The following ARFGEF1 variants were observed in gnomAD, a reference collection of about 807,000 sequenced individuals.
The protein encoded by ARFGEF1 is brefeldin A-inhibited guanine nucleotide-exchange protein 1.
Under a neutral mutation model 231.0 loss-of-function variants are expected in ARFGEF1, and 42 were observed. That is an observed-to-expected ratio of 0.18 (90% confidence interval 0.14 to 0.24). The LOEUF is 0.24. Among genes scored for constraint, ARFGEF1 ranks in the 10% least tolerant of loss-of-function variants. The pLI, the probability that ARFGEF1 is intolerant of heterozygous loss-of-function variation, is 1.00. For synonymous variants in ARFGEF1, 710 were observed against 732.3 expected (o/e 0.97, Z 0.49); for missense variants, 1,345 against 2,192.0 (o/e 0.61, Z 7.72).
chr8:67,260,716 A>G (rs1804583750), intron 14 of ARFGEF1, among the ~76,000 whole-genome samples: 1 of 152,124 alleles, frequency 6.6e-6, no homozygotes, highest in Non-Finnish European at 1.5e-5. Context: ...CACATCTCTC[A>G]CTTTAAATAA....
At chr8:67,243,329 T>C (rs545761117) in intron 19 of ARFGEF1, among the ~76,000 whole-genome samples, 15 of 152,330 alleles carry the variant, frequency 9.8e-5, no homozygotes, top group Admixed American at 1.3e-4. Context: ...CTCAGTTCCA[T>C]GTGGCTGAGA....
At chr8:67,313,957 C>A (rs1293365175) in intron 1 of ARFGEF1, among the ~76,000 whole-genome samples, 1 of 152,050 alleles carries the variant, frequency 6.6e-6, no homozygotes, top group African/African-American at 2.4e-5. Context: ...CTGTGGGGGA[C>A]AGGAGTGAGA....
At chr8:67,288,163 A>G (rs1805839427) in intron 6 of ARFGEF1, 98 bp from the exon 7 acceptor site, 2 of 631,386 alleles carry the variant, frequency 3.2e-6, no homozygotes, top group Non-Finnish European at 5.1e-6. Context: ...CATGAGGAAT[A>G]AAAGAAAAAA....
chr8:67,192,033 G>GGAGATATGTCTATTCAAATCCTTTGCT (rs1280411210), intron 5 of ARFGEF1, among the ~76,000 whole-genome samples: 1 of 151,190 alleles, frequency 6.6e-6, no homozygotes, highest in East Asian at 1.9e-4. Context: ...TATTTTCTTA[G>GGAGATATGTCTATTCAAATCCTTTGCT]GAGATATGTC....
intron 34 of ARFGEF1, among the ~76,000 whole-genome samples, chr8:67,207,613 A>G (rs993850723): frequency 2.6e-5 from 4 of 152,224 alleles, no homozygotes; most frequent in Admixed American, 1.3e-4. Flanking sequence ...GCAGATTTTA[A>G]CTATGTGGGA....
intron 9 of ARFGEF1, among the ~76,000 whole-genome samples, chr8:67,274,179 G>C (rs1660086863): frequency 6.6e-6 from 1 of 152,034 alleles, no homozygotes; most frequent in Non-Finnish European, 1.5e-5. Context: ...TTTCAGGTCT[G>C]CAGTTTTTCA....
intron 21 of ARFGEF1, 73 bp from the exon 22 acceptor site, chr8:67,238,566 G>A: frequency 6.8e-7 from 1 of 1,472,778 alleles, no homozygotes; most frequent in African/African-American, 1.4e-5. Flanking sequence ...AATATATGCA[G>A]CCAGGACTTA....
intron 1 of ARFGEF1, among the ~76,000 whole-genome samples, chr8:67,330,067 TAA>T (rs1808028985): frequency 6.6e-6 from 1 of 152,014 alleles, no homozygotes; most frequent in Admixed American, 6.5e-5. Flanking sequence ...AAATCTTTCT[TAA>T]AGATATTTTT....
chr8:67,284,440 G>C (rs1305140891), intron 7 of ARFGEF1, among the ~76,000 whole-genome samples: 1 of 151,910 alleles, frequency 6.6e-6, no homozygotes, highest in Non-Finnish European at 1.5e-5. Flanking sequence ...TTTTGACTTT[G>C]AATCATGTAA....
rs1413157438 is a variant in ARFGEF1 at position 67,296,431 on chromosome 8, T to C, written c.639A>G (p.Ala213=). 6.2e-7 allele frequency: 1 copy of C among 1,613,790 alleles called. No individual in the cohort carries two copies. The highest frequency in any genetic ancestry group is 2.2e-5 in the East Asian group (1 of 44,826). The change falls in exon 5 of 39, where the codon GCA becomes GCG. Residue 213 remains alanine (A), a splice_region_variant and synonymous_variant. Transcript: ENST00000262215. ...NVIFARMENQ[A]LQEAKQMEKE... ...ACCTCTCTCTTCTTAAAATACTTACTGCTTGGTTTTCCATGCGTGCAAAGA... is the reference window on the plus strand; with the variant it reads ...ACCTCTCTCTTCTTAAAATACTTACCGCTTGGTTTTCCATGCGTGCAAAGA...
At position 67,271,903 on chromosome 8, in the gene ARFGEF1, C is replaced by T; in HGVS notation, c.1371G>A (p.Leu457=). The T allele has an allele frequency of 6.2e-7, 1 of 1,611,196 alleles. No homozygotes were observed. Among genetic ancestry groups the T allele is most frequent in the Admixed American group, 1.7e-5 (1 of 59,616 alleles). Residue 457 remains leucine, a synonymous_variant, in exon 10 of 39, where the codon TTG becomes TTA. Coordinates refer to ENST00000262215, the MANE Select transcript of ARFGEF1 (RefSeq NM_006421.5). ...SHELRSKILS[L]QLLLSILQNA... ...TCTGCAGAATGGATAGAAGTAACTG[C>T]AATGAAAGAATCTTGGATCGTAGTT...
In ARFGEF1 at chr8:67,277,072, G is replaced by A. The variant is rs184326776; in HGVS notation, c.1203+210C>T. Among the ~76,000 whole-genome samples, 3 of 152,094 alleles carry A rather than the reference G, an allele frequency of 2.0e-5. No homozygotes were observed. In the East Asian group the frequency reaches 5.8e-4, roughly 29 times the overall value. Reference sequence around the variant, plus strand: ...AAACATAGATGAGACCTACCTTAAAGTTGGAAATGTAACTATCAAAATATG... The same window carrying A: ...AAACATAGATGAGACCTACCTTAAAATTGGAAATGTAACTATCAAAATATG... On this transcript the variant is annotated intron_variant, in intron 8 of 38. Transcript: ENST00000262215.
chr8:67,240,272 G>A lies in ARFGEF1; in HGVS notation c.2869C>T (p.Leu957=). 3 of 1,603,008 alleles carry A rather than the reference G, an allele frequency of 1.9e-6. No individual in the cohort carries two copies. The highest frequency in any genetic ancestry group is 1.3e-5 in the African/African-American group (1 of 74,588). Residue 957 remains leucine (L), a synonymous_variant, in exon 20 of 39, where the codon CTG becomes TTG. Coordinates refer to ENST00000262215, the MANE Select transcript of ARFGEF1 (RefSeq NM_006421.5). The part of the protein sequence containing the change: ...PMFKLAWTPF[L]AAFSVGLQDC... ...TGTAGACCCACACTGAATGCAGCCA[G>A]AAAAGGCGTCCAAGCCAACTACAAA... is the stretch of plus-strand genomic sequence containing the variant.
rs1040773323 is a variant in ARFGEF1, at chr8:67,238,511, A to C, written c.3139-18T>G. 5.1e-6 allele frequency: 8 copies of C among 1,580,458 alleles called. No individual in the cohort carries two copies. The highest frequency in any genetic ancestry group is 6.8e-6 in the Non-Finnish European group (8 of 1,169,576). On this transcript the variant is annotated intron_variant, in intron 21 of 38. Coordinates refer to ENST00000262215, the MANE Select transcript of ARFGEF1 (RefSeq NM_006421.5). ...TTCAGAATCTTAATTACAAAAAGGA[A>C]AAAAATGTTAAATTCCATGTTAAAA...
chr8:67,228,844 T>A (rs1839466447), intron 23 of ARFGEF1, among the ~76,000 whole-genome samples: 1 of 152,090 alleles, frequency 6.6e-6, no homozygotes, highest in Non-Finnish European at 1.5e-5. Context: ...TTTGCTGAGC[T>A]CTTTTTTTGT....
intron 4 of ARFGEF1, among the ~76,000 whole-genome samples, chr8:67,297,747 C>T (rs1013565597): frequency 1.5e-4 from 22 of 151,568 alleles, no homozygotes; most frequent in African/African-American, 5.3e-4. Flanking sequence ...TGGGCATTAT[C>T]TTAAACCATA....
In ARFGEF1 at chr8:67,270,005, G is replaced by A. The variant is rs144539519; in HGVS notation, c.1572+1697C>T. On this transcript the variant is annotated intron_variant, in intron 10 of 38. Transcript: ENST00000262215. ...TCAGTGTCCAAAAAAATCTGTAATT[G>A]GTTACATAAAGTATTACAAAATTTT... Among the ~76,000 whole-genome samples the A allele has an allele frequency of 5.9e-3, 896 of 152,132 alleles. 9 individuals carry two copies. Among genetic ancestry groups the A allele is most frequent in the African/African-American group, 0.02 (837 of 41,532 alleles).
intron 19 of ARFGEF1, 119 bp from the exon 20 acceptor site, chr8:67,240,409 GA>G: frequency 9.9e-7 from 1 of 1,010,260 alleles, no homozygotes; most frequent in Non-Finnish European, 1.4e-6. Context: ...CAGTTATCTA[GA>G]AAGCTTTCTT....
chr8:67,188,906 C>T (rs979976449), intron 5 of ARFGEF1, among the ~76,000 whole-genome samples: 2 of 152,172 alleles, frequency 1.3e-5, no homozygotes, highest in Admixed American at 6.5e-5. Flanking sequence ...TAACATTCAC[C>T]GCATGGCCCA....
Sources: allele counts gnomAD v4.1 joint callset (sites outside exome capture counted in the v4.1 genomes callset), GRCh38; gene constraint gnomAD v4.1.1; transcripts MANE v1.5; gene names NCBI Gene and HGNC (gene_info 2026-07-23, HGNC 2026-07-21).